Variants in FYN observed in about 807,000 individuals in gnomAD.
FYN encodes tyrosine-protein kinase Fyn.
Under a neutral mutation model 70.2 loss-of-function variants are expected in FYN, and 10 were observed. The ratio of observed to expected loss-of-function variants is 0.14; its 90% confidence interval spans 0.09 to 0.24. The LOEUF is 0.24. Ranked by LOEUF, FYN falls within the 10% of genes least tolerant of loss-of-function variation. FYN has a pLI of 1.00. For synonymous variants in FYN, 236 were observed against 248.6 expected, an observed-to-expected ratio of 0.95 and a Z score of 0.48; for missense variants, 319 against 673.1, an observed-to-expected ratio of 0.47 and a Z score of 5.82.
chr6:111,762,703 C>T (rs919041002), intron 3 of FYN, among the ~76,000 whole-genome samples: 3 of 152,066 alleles, frequency 2.0e-5, no homozygotes, highest in African/African-American at 4.8e-5. Flanking sequence ...AGTCTGCATG[C>T]AGGGGTGTCC....
intron 12 of FYN, among the ~76,000 whole-genome samples, chr6:111,683,404 CTTT>C (rs758477838): frequency 3.3e-5 from 5 of 152,172 alleles, no homozygotes; most frequent in Non-Finnish European, 5.9e-5. Context: ...AAGTCTCTCT[CTTT>C]TTTATTTTTC....
intron 3 of FYN, among the ~76,000 whole-genome samples, chr6:111,724,216 A>G (rs976499202): frequency 6.6e-6 from 1 of 152,208 alleles, no homozygotes; most frequent in African/African-American, 2.4e-5. Context: ...CCCTGCTCCC[A>G]TAAGCAGGGC....
intron 3 of FYN, among the ~76,000 whole-genome samples, chr6:111,741,249 T>C (rs1043586525): frequency 3.9e-5 from 6 of 152,194 alleles, no homozygotes; most frequent in Admixed American, 3.9e-4. Flanking sequence ...TCTTGTTTAT[T>C]ATCTACCTCC....
rs560944021 is a variant in FYN, at chr6:111,802,095, T to G, written c.-81-21460A>C. On this transcript the variant is annotated intron_variant, in intron 2 of 13. Transcript: ENST00000354650. ...TCCCAGCCCAAATCTCATGTTGAAT[T>G]ATAATCCCAGATGTTGGAGGTGGGG... 3.3e-4 allele frequency among the ~76,000 whole-genome samples: 51 copies of G among 152,338 alleles called. 1 individual carries two copies. Among genetic ancestry groups the G allele is most frequent in the African/African-American group, 1.2e-3 (50 of 41,580 alleles).
intron 2 of FYN, among the ~76,000 whole-genome samples, chr6:111,815,858 A>G (rs1772473385): frequency 6.6e-6 from 1 of 151,878 alleles, no homozygotes; most frequent in Non-Finnish European, 1.5e-5. Context: ...GACTACAGGT[A>G]TGTGCTAATT....
rs752454210 is a variant in FYN at position 111,800,461 on chromosome 6, G to A, written c.-81-19826C>T. On this transcript the variant is annotated intron_variant, in intron 2 of 13. Coordinates refer to ENST00000354650, the MANE Select transcript of FYN (RefSeq NM_002037.5). Reference sequence around the variant, plus strand: ...GCAGGAGGGATGGACACAACTTGCCGAAGGGATATTGAATATGAGGAAGGG... The same window carrying A: ...GCAGGAGGGATGGACACAACTTGCCAAAGGGATATTGAATATGAGGAAGGG... 2.0e-5 allele frequency among the ~76,000 whole-genome samples: 3 copies of A among 152,086 alleles called. No individual in the cohort carries two copies. In the East Asian group the frequency reaches 5.8e-4, roughly 29 times the overall value.
chr6:111,797,560 A>G (rs1215144587), intron 2 of FYN, among the ~76,000 whole-genome samples: 1 of 149,814 alleles, frequency 6.7e-6, no homozygotes, highest in Non-Finnish European at 1.5e-5. Flanking sequence ...TAAATAAATT[A>G]GTCTGCTCAC....
intron 2 of FYN, among the ~76,000 whole-genome samples, chr6:111,825,670 T>C (rs919407953): frequency 2.6e-5 from 4 of 152,210 alleles, no homozygotes; most frequent in African/African-American, 9.6e-5. Context: ...TTTGCCTTCC[T>C]GGTTCTTCCC....
rs113042881 is a variant in FYN at position 111,809,464 on chromosome 6, C to T, written c.-81-28829G>A. On this transcript the variant is annotated intron_variant, in intron 2 of 13. Transcript: ENST00000354650. ...TGAGTCCTCTGGATTAGTCATGGTG[C>T]TTCGTGGCATGGGGAATGATGTGAG... Among the ~76,000 whole-genome samples the T allele has an allele frequency of 3.1e-3, 473 of 152,292 alleles. 1 individual carries two copies. The highest frequency in any genetic ancestry group is 0.011 in the African/African-American group (445 of 41,556).
At chr6:111,790,277 C>T (rs1376198378) in intron 2 of FYN, among the ~76,000 whole-genome samples, 1 of 151,394 alleles carries the variant, frequency 6.6e-6, no homozygotes, top group Non-Finnish European at 1.5e-5. Context: ...CACACACACA[C>T]ACACACACAC....
chr6:111,699,749 G>A, intron 9 of FYN: 3 of 1,366,624 alleles, frequency 2.2e-6, no homozygotes, highest in Non-Finnish European at 3.0e-6. Flanking sequence ...GATGGAAGGT[G>A]ACTTGCCCGT....
intron 3 of FYN, among the ~76,000 whole-genome samples, chr6:111,726,073 C>T (rs1481038923): frequency 6.6e-6 from 1 of 152,198 alleles, no homozygotes; most frequent in African/African-American, 2.4e-5. Context: ...GAGCTGAGAA[C>T]AGCTCGGTCA....
intron 2 of FYN, among the ~76,000 whole-genome samples, chr6:111,817,206 A>G (rs1270183717): frequency 6.6e-6 from 1 of 152,134 alleles, no homozygotes; most frequent in East Asian, 1.9e-4. Context: ...CTTTTTCTAT[A>G]TATTTTTCTG....
intron 4 of FYN, among the ~76,000 whole-genome samples, chr6:111,716,504 C>A (rs1800649663): frequency 6.6e-6 from 1 of 152,068 alleles, no homozygotes; most frequent in African/African-American, 2.4e-5. Context: ...CAGTTATAAA[C>A]CTGGGTCTCC....
At chr6:111,683,630 C>G (rs811972) in intron 12 of FYN, among the ~76,000 whole-genome samples, 7,006 of 152,194 alleles carry the variant, frequency 0.046, 202 homozygotes, top group East Asian at 0.1. Context: ...CACCCAGAGC[C>G]CTTTTTAATT....
chr6:111,773,291 G>C (rs1448777081), intron 3 of FYN, among the ~76,000 whole-genome samples: 2 of 119,338 alleles, frequency 1.7e-5, no homozygotes, highest in African/African-American at 3.2e-5. Flanking sequence ...AACTGGGAGA[G>C]AAAGAGAGGG....
At chr6:111,688,122 A>G (rs11153311) in intron 12 of FYN, among the ~76,000 whole-genome samples, 28,986 of 152,206 alleles carry the variant, frequency 0.19, 3,660 homozygotes, top group African/African-American at 0.35. Flanking sequence ...AATACCAACA[A>G]CTTCTACTAA....
At chr6:111,795,722 CT>C (rs1192484186) in intron 2 of FYN, among the ~76,000 whole-genome samples, 1 of 152,162 alleles carries the variant, frequency 6.6e-6, no homozygotes, top group Admixed American at 6.5e-5. Flanking sequence ...ATATTAGGCA[CT>C]TTGCATATAT....
At chr6:111,741,883 T>C (rs990592670) in intron 3 of FYN, among the ~76,000 whole-genome samples, 59 of 152,196 alleles carry the variant, frequency 3.9e-4, no homozygotes, top group African/African-American at 1.4e-3. Context: ...TTCTGACAAG[T>C]CCCAGGGTTA....
Sources: allele counts gnomAD v4.1 joint callset (sites outside exome capture counted in the v4.1 genomes callset), GRCh38; gene constraint gnomAD v4.1.1; transcripts MANE v1.5; gene names NCBI Gene and HGNC (gene_info 2026-07-23, HGNC 2026-07-21).